Variants in PIP4K2A observed in about 807,000 individuals in gnomAD.
The protein encoded by PIP4K2A is phosphatidylinositol 5-phosphate 4-kinase type-2 alpha.
Under a neutral mutation model 42.9 loss-of-function variants are expected in PIP4K2A, and 14 were observed. The observed-to-expected ratio is 0.33, with a 90% CI of 0.22 to 0.51. The LOEUF (loss-of-function observed/expected upper bound fraction) is 0.51. Among genes scored for constraint, PIP4K2A ranks in the 20% least tolerant of loss-of-function variants. PIP4K2A has a pLI of 0.97. For synonymous variants in PIP4K2A, 192 were observed against 192.2 expected, an observed-to-expected ratio of 1.00 and a Z score of 0.01; for missense variants, 434 against 519.8, an observed-to-expected ratio of 0.83 and a Z score of 1.61.
chr10:22,601,232 G>A (rs137965874), intron 3 of PIP4K2A, among the ~76,000 whole-genome samples: 13 of 149,098 alleles, frequency 8.7e-5, no homozygotes, highest in African/African-American at 2.9e-4. Context: ...GCACCCAGTA[G>A]CAAGGATGAC....
Position 22,561,565 on chromosome 10 carries a change from G to GTTTTTTTTTTTTTTTTTTTTTTTTTT in PIP4K2A, c.678+6260_678+6285dup, listed in dbSNP as rs71394001. 4.1e-4 allele frequency among the ~76,000 whole-genome samples: 47 copies of GTTTTTTTTTTTTTTTTTTTTTTTTTT among 113,500 alleles called. 22 individuals are homozygous for GTTTTTTTTTTTTTTTTTTTTTTTTTT. Among genetic ancestry groups the GTTTTTTTTTTTTTTTTTTTTTTTTTT allele is most frequent in the African/African-American group, 3.5e-4 (10 of 28,314 alleles). 74.5% of individuals were successfully genotyped at this position (113,500 alleles called of 152,430 possible). On this transcript the variant is annotated intron_variant, in intron 6 of 9. Transcript: ENST00000376573. ...TATGTCACCAGAGATTCTCTACGCA[G>GTTTTTTTTTTTTTTTTTTTTTTTTTT]TTTTTTTTTTTTTTTTTTTTTTTTT...
intron 1 of PIP4K2A, among the ~76,000 whole-genome samples, chr10:22,663,460 CT>C (rs375581753): frequency 3.3e-5 from 5 of 152,044 alleles, no homozygotes; most frequent in Non-Finnish European, 7.4e-5. Context: ...GCCAATTCAA[CT>C]TTTTTCTAAT....
chr10:22,571,501 T>C (rs570535953), intron 5 of PIP4K2A, among the ~76,000 whole-genome samples: 1 of 152,372 alleles, frequency 6.6e-6, no homozygotes, highest in South Asian at 2.1e-4. Context: ...ATGAAATGTG[T>C]CAATATTTGG....
At chr10:22,538,006 T>C (rs1809111202) in intron 9 of PIP4K2A, among the ~76,000 whole-genome samples, 2 of 152,184 alleles carry the variant, frequency 1.3e-5, no homozygotes, top group South Asian at 2.1e-4. Context: ...TGAGGGATTT[T>C]TCCATGATGA....
At chr10:22,543,420 A>G (rs553765563) in intron 7 of PIP4K2A, among the ~76,000 whole-genome samples, 2 of 152,322 alleles carry the variant, frequency 1.3e-5, no homozygotes, top group South Asian at 4.1e-4. Context: ...TTACACTCAA[A>G]TATTTAAGCA....
chr10:22,664,228 T>C (rs7475337), intron 1 of PIP4K2A, among the ~76,000 whole-genome samples: 10,155 of 89,530 alleles, frequency 0.11, 1,010 homozygotes, highest in African/African-American at 0.16. Context: ...CATATATATA[T>C]ACACACACAC....
intron 1 of PIP4K2A, among the ~76,000 whole-genome samples, chr10:22,626,069 C>T (rs1197516288): frequency 1.3e-5 from 2 of 152,024 alleles, no homozygotes; most frequent in East Asian, 1.9e-4. Context: ...GACATTATAG[C>T]CATCCTGCGT....
intron 1 of PIP4K2A, among the ~76,000 whole-genome samples, chr10:22,682,151 G>C (rs149341991): frequency 6.6e-6 from 1 of 152,272 alleles, no homozygotes; most frequent in African/African-American, 2.4e-5. Flanking sequence ...GTACTCTGTT[G>C]CATACCTTAT....
intron 9 of PIP4K2A, among the ~76,000 whole-genome samples, chr10:22,538,780 C>G (rs1231508451): frequency 1.3e-5 from 2 of 148,382 alleles, no homozygotes; most frequent in Admixed American, 6.7e-5. Flanking sequence ...ACCAGGCACA[C>G]TTGCTTACTG....
chr10:22,622,539 C>T (rs922280422), intron 1 of PIP4K2A, among the ~76,000 whole-genome samples: 3 of 152,310 alleles, frequency 2.0e-5, no homozygotes, highest in South Asian at 2.1e-4. Flanking sequence ...GGTCACTCCC[C>T]GAGGGGACAC....
intron 1 of PIP4K2A, among the ~76,000 whole-genome samples, chr10:22,677,677 A>G (rs10159847): frequency 0.19 from 28,870 of 152,210 alleles, 3,234 homozygotes; most frequent in African/African-American, 0.3. Flanking sequence ...AAAAAAATAA[A>G]TCCTCAAAAC....
At chr10:22,583,240 C>T (rs571526221) in intron 4 of PIP4K2A, among the ~76,000 whole-genome samples, 1 of 152,340 alleles carries the variant, frequency 6.6e-6, no homozygotes, top group South Asian at 2.1e-4. Context: ...GGCTGCTCCA[C>T]GTATGACCGC....
At chr10:22,708,191 C>T (rs1489842548) in intron 1 of PIP4K2A, among the ~76,000 whole-genome samples, 1 of 152,154 alleles carries the variant, frequency 6.6e-6, no homozygotes, top group African/African-American at 2.4e-5. Flanking sequence ...CCTCTACTTC[C>T]ACTCATTCAC....
At chr10:22,696,186 T>C (rs554352497) in intron 1 of PIP4K2A, among the ~76,000 whole-genome samples, 2 of 152,322 alleles carry the variant, frequency 1.3e-5, no homozygotes, top group East Asian at 3.9e-4. Flanking sequence ...CTATAGAATA[T>C]TTCAACATAT....
At chr10:22,655,680 AGGT>A (rs1839086237) in intron 1 of PIP4K2A, among the ~76,000 whole-genome samples, 1 of 152,218 alleles carries the variant, frequency 6.6e-6, no homozygotes, top group Non-Finnish European at 1.5e-5. Context: ...TTTAATGAGT[AGGT>A]GCTCAACAAC....
intron 1 of PIP4K2A, among the ~76,000 whole-genome samples, chr10:22,616,202 G>A (rs1778351): frequency 0.23 from 34,750 of 152,078 alleles, 6,233 homozygotes; most frequent in African/African-American, 0.5. Flanking sequence ...AGAGAGCAGA[G>A]GGGGAGCTGA....
chr10:22,537,873 G>A (rs554831431), intron 9 of PIP4K2A, among the ~76,000 whole-genome samples: 83 of 152,268 alleles, frequency 5.5e-4, no homozygotes, highest in Admixed American at 4.8e-3. Flanking sequence ...CAACACTGCT[G>A]GCTCCATCTT....
At position 22,714,451 on chromosome 10, in the gene PIP4K2A, C is replaced by A; in HGVS notation, c.-125G>T. On this transcript the variant is annotated 5_prime_UTR_variant, in exon 1 of 10. Transcript: ENST00000376573. ...GGCCCCGGCGCGCCGCGCTCCGCTC[C>A]GCCCGCCGCCGCCGGCGCGCTCAGC... 1 of 442,126 alleles carries A rather than the reference C, an allele frequency of 2.3e-6. No individual in the cohort carries two copies. The highest frequency in any genetic ancestry group is 3.0e-6 in the Non-Finnish European group (1 of 334,054). 27.4% of individuals were successfully genotyped at this position (442,126 alleles called of 1,614,324 possible). A position where few individuals can be genotyped will look rare whatever the true frequency, so the allele number is the denominator to read the frequency against.
intron 7 of PIP4K2A, among the ~76,000 whole-genome samples, chr10:22,545,667 A>G (rs2130749894): frequency 6.6e-6 from 1 of 152,332 alleles, no homozygotes. Context: ...GGCACCCAAG[A>G]AGACTGAGAA....
Sources: gnomAD v4.1 joint callset for allele counts (sites outside exome capture counted in the v4.1 genomes callset) on GRCh38, gnomAD v4.1.1 for gene constraint, MANE v1.5 for transcripts, NCBI Gene and HGNC (gene_info 2026-07-23, HGNC 2026-07-21) for gene names.